The following GRAP variants were observed in gnomAD, a reference collection of about 807,000 sequenced individuals.
The protein encoded by GRAP is GRB2-related adapter protein.
Under a neutral mutation model 9.1 loss-of-function variants are expected in GRAP, and 2 were observed. The observed-to-expected ratio is 0.22, with a 90% CI of 0.09 to 0.69. GRAP has a LOEUF of 0.69. GRAP is among the 30% of genes least tolerant of loss of function. The pLI is 0.81. For missense variants in GRAP, 113 were observed against 179.4 expected (o/e 0.63, Z 2.12); for synonymous variants, 68 against 73.6 (o/e 0.92, Z 0.39).
chr17:19,023,526 T>C (rs956666213), intron 4 of GRAP, among the ~76,000 whole-genome samples: 1 of 152,116 alleles, frequency 6.6e-6, no homozygotes, highest in African/African-American at 2.4e-5. Context: ...CCAGTGGCTA[T>C]TGTTGGCATC....
intron 3 of GRAP, among the ~76,000 whole-genome samples, chr17:19,025,253 G>A (rs533886222): frequency 1.4e-5 from 2 of 147,356 alleles, no homozygotes; most frequent in East Asian, 4.1e-4. Context: ...GTGCAATGGC[G>A]CTATCTCGGC....
At chr17:19,025,536 C>T (rs1452470859) in intron 3 of GRAP, among the ~76,000 whole-genome samples, 8 of 138,826 alleles carry the variant, frequency 5.8e-5, no homozygotes, top group African/African-American at 2.2e-4. Context: ...AGCCTTCCAG[C>T]CAGCCCACTA....
rs554964941 is a variant in GRAP, at chr17:19,024,082, C to T, written c.468+133G>A. The T allele has an allele frequency of 7.7e-5, 65 of 847,214 alleles. No homozygotes were observed. Among genetic ancestry groups the T allele is most frequent in the Middle Eastern group, 3.2e-4 (1 of 3,170 alleles). The allele number at this position is 847,214 out of a possible 1,614,324, so 52.5% of individuals were successfully genotyped here. ...ATATAACTTCGAAGCCTGGGCTGGA[C>T]GCCTCTTGCAATACCAGGCTGCTGG... On this transcript the variant is annotated intron_variant, in intron 4 of 4. Transcript: ENST00000284154. This position sits in a 1 kb window ranked among gnomAD's most constrained non-coding sequence, Gnocchi z 4.2.
rs1291926390 is a variant in GRAP at position 19,024,959 on chromosome 17, G to A, written c.300-576C>T. Among the ~76,000 whole-genome samples, 2 of 152,038 alleles carry A rather than the reference G, an allele frequency of 1.3e-5. No individual in the cohort carries two copies. The highest frequency in any genetic ancestry group is 2.9e-5 in the Non-Finnish European group (2 of 68,004). On this transcript the variant is annotated intron_variant, in intron 3 of 4. Transcript: ENST00000284154. This position sits in a 1 kb window ranked among gnomAD's most constrained non-coding sequence, Gnocchi z 4.2. ...GTCCTCCCCCTCCCATGAACCTTCC[G>A]TGGCTTCTCCCTTGGCCTCAGGGTA...
At chr17:19,023,877 G>T (rs1266165901) in intron 4 of GRAP, among the ~76,000 whole-genome samples, 1 of 151,992 alleles carries the variant, frequency 6.6e-6, no homozygotes, top group Non-Finnish European at 1.5e-5. Flanking sequence ...CTCAGTGGGG[G>T]TCTGTACCTT....
intron 3 of GRAP, among the ~76,000 whole-genome samples, chr17:19,027,462 GGACACATGCGCGC>G (rs1480846463): frequency 7.8e-6 from 1 of 127,624 alleles, no homozygotes; most frequent in African/African-American, 3.0e-5. Flanking sequence ...TGCCTTGATG[GGACACATGCGCGC>G]GCGCGCGCGC....
chr17:19,050,133 A>AC (rs1567822731), upstream of GRAP, among the ~76,000 whole-genome samples: 3 of 28,628 alleles, frequency 1.0e-4, no homozygotes, highest in East Asian at 2.6e-3. Context: ...AAAAACAAAA[A>AC]AACAACAAAA....
Position 19,024,921 on chromosome 17 carries a change from T to C in GRAP, c.300-538A>G, listed in dbSNP as rs1352106419. ...CTGCTATGAGAGGAGCTCAGACCTG[T>C]TGAATGTCTCACGTCCTCCCCCTCC... On this transcript the variant is annotated intron_variant, in intron 3 of 4. Transcript: ENST00000284154. This position sits in a 1 kb window ranked among gnomAD's most constrained non-coding sequence, Gnocchi z 4.2. Among the ~76,000 whole-genome samples the C allele has an allele frequency of 6.6e-6, 1 of 152,196 alleles. No individual in the cohort carries two copies. Among genetic ancestry groups the C allele is most frequent in the African/African-American group, 2.4e-5 (1 of 41,448 alleles).
rs1001192834 is a variant in GRAP, at chr17:19,021,044, C to T, written c.*915G>A. ...CATATCCCTGATCATGGCACATTCT[C>T]TGGAGGACCCTCCTGTTCTCGGGTA... On this transcript the variant is annotated 3_prime_UTR_variant, in exon 5 of 5. Transcript: ENST00000284154. This position sits in a 1 kb window ranked among gnomAD's most constrained non-coding sequence, Gnocchi z 4.1. 11 of 152,802 alleles carry T rather than the reference C, an allele frequency of 7.2e-5. No homozygotes were observed. The highest frequency in any genetic ancestry group is 2.7e-4 in the African/African-American group (11 of 41,470). 9.5% of individuals were successfully genotyped at this position (152,802 alleles called of 1,614,324 possible).
chr17:19,023,100 C>T (rs1012845175), intron 4 of GRAP, among the ~76,000 whole-genome samples: 1 of 152,124 alleles, frequency 6.6e-6, no homozygotes, highest in Admixed American at 6.5e-5. Flanking sequence ...GGATGGAGAT[C>T]TGGCAGACAG....
At position 19,021,526 on chromosome 17, in the gene GRAP, T is replaced by G; in HGVS notation, c.*433A>C. On this transcript the variant is annotated 3_prime_UTR_variant, in exon 5 of 5. Transcript: ENST00000284154. This position sits in a 1 kb window ranked among gnomAD's most constrained non-coding sequence, Gnocchi z 4.1. The stretch of plus-strand genomic sequence containing the variant: ...ACAGCCTGAACAACTCCAGGGGCCT[T>G]TTGAGGGAGGGGCAGGCAGGCCCAG... The G allele has an allele frequency of 7.8e-5, 22 of 283,220 alleles. No homozygotes were observed. The highest frequency in any genetic ancestry group is 1.0e-4 in the Non-Finnish European group (16 of 152,662). 17.5% of individuals were successfully genotyped at this position (283,220 alleles called of 1,614,324 possible).
rs771164685 is a variant in GRAP, at chr17:19,024,252, C to T, written c.431G>A (p.Arg144Gln). 10 of 1,602,320 alleles carry T rather than the reference C, an allele frequency of 6.2e-6. No individual in the cohort carries two copies. The South Asian group carries it at 6.7e-5, about 11-fold the overall frequency. The change falls in exon 4 of 5, where the codon CGG becomes CAG. Residue 144 changes from arginine to glutamine, a missense_variant. Coordinates refer to ENST00000284154, the MANE Select transcript of GRAP (RefSeq NM_006613.4). The surrounding 1 kb of genome is among the most constrained non-coding windows in gnomAD (Gnocchi z 4.2). Reference protein sequence around the residue: ...FYRTTTIAKKRQIFLRDEEPL... With the variant: ...FYRTTTIAKKQQIFLRDEEPL... ...CTCCTCGTCGCGCAGGAAGATCTGC[C>T]GCTTCTTGGCGATGGTGGTGGTGCG...
Position 19,021,792 on chromosome 17 carries a change from G to A in GRAP, c.*167C>T, listed in dbSNP as rs1448434526. The A allele has an allele frequency of 2.4e-5, 14 of 592,948 alleles. No homozygotes were observed. Among genetic ancestry groups the A allele is most frequent in the Non-Finnish European group, 3.3e-5 (13 of 396,060 alleles). 36.7% of individuals were successfully genotyped at this position (592,948 alleles called of 1,614,324 possible). A position where few individuals can be genotyped will look rare whatever the true frequency, so the allele number is the denominator to read the frequency against. On this transcript the variant is annotated 3_prime_UTR_variant, in exon 5 of 5. Coordinates refer to ENST00000284154, the MANE Select transcript of GRAP (RefSeq NM_006613.4). The surrounding 1 kb of genome is among the most constrained non-coding windows in gnomAD (Gnocchi z 4.1). Reference sequence around the variant, plus strand: ...TGGGTACCCTTGCTGGGGGACCTGGGCCATCCCAGTTTGTGCAGAGCGGCC... The same window carrying A: ...TGGGTACCCTTGCTGGGGGACCTGGACCATCCCAGTTTGTGCAGAGCGGCC...
chr17:19,051,074 G>A (rs1308344827), upstream of GRAP, among the ~76,000 whole-genome samples: 2 of 140,682 alleles, frequency 1.4e-5, no homozygotes, highest in African/African-American at 4.9e-5. Flanking sequence ...AGAAAGAAAA[G>A]AAAATGAAGA....
At chr17:19,043,942 CTTTTTCT>C (rs1271818153) in intron 1 of GRAP, among the ~76,000 whole-genome samples, 7 of 147,292 alleles carry the variant, frequency 4.8e-5, no homozygotes, top group South Asian at 2.2e-4. Flanking sequence ...TAGCTAATTT[CTTTTTCT>C]TTTTTCTTTT....
At chr17:19,025,549 G>A (rs1295570907) in intron 3 of GRAP, among the ~76,000 whole-genome samples, 2 of 133,790 alleles carry the variant, frequency 1.5e-5, no homozygotes, top group Admixed American at 7.8e-5. Flanking sequence ...GCCCACTATC[G>A]CCAAATCGCC....
Position 19,024,602 on chromosome 17 carries a change from G to A in GRAP, c.300-219C>T. On this transcript the variant is annotated intron_variant, in intron 3 of 4. Coordinates refer to ENST00000284154, the MANE Select transcript of GRAP (RefSeq NM_006613.4). This position sits in a 1 kb window ranked among gnomAD's most constrained non-coding sequence, Gnocchi z 4.2. ...ATATGGGGTTAATTTAAGGGTGTGG[G>A]CTCTGAACCAGGCCACTTTCTCACT... The A allele has an allele frequency of 3.3e-6, 1 of 299,012 alleles. No homozygotes were observed. The highest frequency in any genetic ancestry group is 4.9e-6 in the Non-Finnish European group (1 of 202,120). The allele number at this position is 299,012 out of a possible 1,614,324, so 18.5% of individuals were successfully genotyped here.
At chr17:19,025,555 T>C (rs1304121897) in intron 3 of GRAP, among the ~76,000 whole-genome samples, 1 of 136,964 alleles carries the variant, frequency 7.3e-6, no homozygotes, top group East Asian at 2.3e-4. Flanking sequence ...TATCGCCAAA[T>C]CGCCCCAAGT....
At chr17:19,048,146 C>T (rs1448316054), upstream of GRAP, among the ~76,000 whole-genome samples, 1 of 108,798 alleles carries the variant, frequency 9.2e-6, no homozygotes, top group African/African-American at 3.3e-5. Flanking sequence ...GGTGACAGAG[C>T]GAGTCTCCTT....
Sources: allele counts gnomAD v4.1 joint callset (sites outside exome capture counted in the v4.1 genomes callset), GRCh38; gene constraint gnomAD v4.1.1; non-coding constraint Gnocchi (gnomAD v3.1); transcripts MANE v1.5; gene names NCBI Gene and HGNC (gene_info 2026-07-23, HGNC 2026-07-21).